Variants in CSMD2 observed in about 807,000 individuals in gnomAD.
The protein encoded by CSMD2 is CUB and Sushi multiple domains 2.
A neutral mutation model predicts 398.5 loss-of-function variants in CSMD2; 130 were observed. That is an observed-to-expected ratio of 0.33 (90% CI 0.28 to 0.38). The LOEUF is 0.38. Among genes scored for constraint, CSMD2 ranks in the 10% least tolerant of loss-of-function variants. The pLI, the probability that CSMD2 is intolerant of heterozygous loss-of-function variation, is 1.00. For missense variants in CSMD2, 3,829 were observed against 4,764.9 expected (o/e 0.80, Z 5.78); for synonymous variants, 1,828 against 1,908.5 (o/e 0.96, Z 1.10).
intron 3 of CSMD2, among the ~76,000 whole-genome samples, chr1:33,949,747 A>T (rs1644946648): frequency 6.6e-6 from 1 of 152,184 alleles, no homozygotes. Context: ...GCACATGGCC[A>T]AGAGTACAGA....
chr1:33,843,301 TGGTATTA>T (rs1570235096), intron 6 of CSMD2, among the ~76,000 whole-genome samples: 2 of 152,240 alleles, frequency 1.3e-5, no homozygotes, highest in African/African-American at 4.8e-5. Context: ...TGATACCCTG[TGGTATTA>T]GGTAAAATTG....
chr1:33,644,000 T>C (rs1458458247), intron 29 of CSMD2, among the ~76,000 whole-genome samples: 2 of 152,054 alleles, frequency 1.3e-5, no homozygotes, highest in Non-Finnish European at 2.9e-5. Flanking sequence ...CAAACACACA[T>C]AGTTATCTTT....
intron 25 of CSMD2, among the ~76,000 whole-genome samples, chr1:33,666,486 G>A (rs958643438): frequency 6.6e-6 from 1 of 152,056 alleles, no homozygotes; most frequent in Non-Finnish European, 1.5e-5. Flanking sequence ...GTTCTATTGT[G>A]AATGAGATTT....
intron 3 of CSMD2, among the ~76,000 whole-genome samples, chr1:33,994,787 C>T (rs542506908): frequency 6.2e-4 from 94 of 152,188 alleles, no homozygotes; most frequent in African/African-American, 2.2e-3. Flanking sequence ...GTATTTCCAC[C>T]GGGCACGGTG....
At chr1:33,836,431 C>A (rs1242519571) in intron 6 of CSMD2, among the ~76,000 whole-genome samples, 1 of 152,206 alleles carries the variant, frequency 6.6e-6, no homozygotes, top group Non-Finnish European at 1.5e-5. Context: ...TTTCTGCTGC[C>A]TTTTGTTTGG....
intron 5 of CSMD2, among the ~76,000 whole-genome samples, chr1:33,900,979 G>A (rs1642718337): frequency 6.6e-6 from 1 of 152,194 alleles, no homozygotes; most frequent in Non-Finnish European, 1.5e-5. Flanking sequence ...TCCTGGAGTG[G>A]CTGGCCTAGG....
intron 32 of CSMD2, among the ~76,000 whole-genome samples, chr1:33,628,321 T>A (rs990283276): frequency 2.6e-5 from 4 of 151,776 alleles, no homozygotes; most frequent in African/African-American, 9.7e-5. Flanking sequence ...AAAAAATCCA[T>A]ATGCATGTAT....
At chr1:33,777,658 T>C (rs1265565444) in intron 12 of CSMD2, among the ~76,000 whole-genome samples, 1 of 152,202 alleles carries the variant, frequency 6.6e-6, no homozygotes, top group Non-Finnish European at 1.5e-5. Flanking sequence ...GTTTTATGAG[T>C]GTTTCTCCTG....
chr1:34,079,652 C>T (rs930713541), intron 2 of CSMD2, among the ~76,000 whole-genome samples: 1 of 152,084 alleles, frequency 6.6e-6, no homozygotes, highest in Non-Finnish European at 1.5e-5. Flanking sequence ...CTACATGCTA[C>T]AAACACGAAG....
chr1:33,858,559 C>T lies in CSMD2; in HGVS notation c.921-11563G>A, dbSNP rs1274836782. On this transcript the variant is annotated intron_variant, in intron 5 of 70. Coordinates refer to ENST00000373381, the MANE Select transcript of CSMD2 (RefSeq NM_001281956.2). ...TCCAGGCTTCCAGAGATGATGTACCCAAAGTATGATCATCATTTTTATTAA... is the reference window on the plus strand; with the variant it reads ...TCCAGGCTTCCAGAGATGATGTACCTAAAGTATGATCATCATTTTTATTAA... 3.3e-5 allele frequency among the ~76,000 whole-genome samples: 5 copies of T among 152,298 alleles called. No homozygotes were observed. In the East Asian group the frequency reaches 9.6e-4, roughly 29 times the overall value.
At chr1:34,088,212 T>C (rs946599486) in intron 2 of CSMD2, among the ~76,000 whole-genome samples, 1 of 152,244 alleles carries the variant, frequency 6.6e-6, no homozygotes, top group Non-Finnish European at 1.5e-5. Context: ...CCCCAGGGCT[T>C]GGCTTGTAAG....
At chr1:33,528,649 T>A (rs1416377015) in intron 64 of CSMD2, among the ~76,000 whole-genome samples, 1 of 152,188 alleles carries the variant, frequency 6.6e-6, no homozygotes, top group Non-Finnish European at 1.5e-5. Flanking sequence ...AACTCTGAAG[T>A]AGAGATTATT....
At chr1:33,585,129 G>T (rs1441029447) in intron 46 of CSMD2, among the ~76,000 whole-genome samples, 1 of 152,200 alleles carries the variant, frequency 6.6e-6, no homozygotes, top group Non-Finnish European at 1.5e-5. Flanking sequence ...CAGTACAAAG[G>T]TGTGCATTGA....
chr1:34,132,410 T>A (rs1415683240), intron 1 of CSMD2, among the ~76,000 whole-genome samples: 1 of 151,916 alleles, frequency 6.6e-6, no homozygotes, highest in Admixed American at 6.6e-5. Flanking sequence ...TTCTTCTGAT[T>A]AAGACCCAAA....
chr1:34,029,254 A>AG lies in CSMD2; in HGVS notation c.517+3339dup, dbSNP rs998194855. On this transcript the variant is annotated intron_variant, in intron 3 of 70. Transcript: ENST00000373381. ...TCCAAGGGGACTCTGCAATGGAGGA[A>AG]GGGGGCTGAGCTCCTTCCCTGAGAG... is the stretch of plus-strand genomic sequence containing the variant. Among the ~76,000 whole-genome samples, 21 of 152,118 alleles carry AG rather than the reference A, an allele frequency of 1.4e-4. 1 individual carries two copies.
intron 20 of CSMD2, among the ~76,000 whole-genome samples, chr1:33,715,950 G>T (rs1646153770): frequency 1.3e-5 from 2 of 151,566 alleles, no homozygotes; most frequent in African/African-American, 4.9e-5. Context: ...TGTGGAAGTG[G>T]AATCAGAAGA....
intron 1 of CSMD2, among the ~76,000 whole-genome samples, chr1:34,136,617 C>A (rs752905662): frequency 6.6e-6 from 1 of 152,190 alleles, no homozygotes; most frequent in Non-Finnish European, 1.5e-5. Context: ...CTCCTCTCTG[C>A]ATCATTCGCT....
intron 1 of CSMD2, among the ~76,000 whole-genome samples, chr1:34,119,431 A>C (rs1478629376): frequency 1.3e-5 from 2 of 152,228 alleles, no homozygotes; most frequent in Non-Finnish European, 2.9e-5. Context: ...AAACTACATC[A>C]AACTTAAGAA....
chr1:34,155,144 G>T (rs1410444485), intron 1 of CSMD2, among the ~76,000 whole-genome samples: 5 of 152,214 alleles, frequency 3.3e-5, no homozygotes. Flanking sequence ...AAATAAGAGA[G>T]AAGTTTTGCA....
Sources: gnomAD v4.1 joint callset for allele counts (sites outside exome capture counted in the v4.1 genomes callset) on GRCh38, gnomAD v4.1.1 for gene constraint, MANE v1.5 for transcripts, NCBI Gene and HGNC (gene_info 2026-07-23, HGNC 2026-07-21) for gene names.